The following DHX29 variants were observed in gnomAD, a reference collection of about 807,000 sequenced individuals.
DHX29 encodes DExH-box helicase 29.
Under a neutral mutation model 167.9 loss-of-function variants are expected in DHX29, and 79 were observed. That is an observed-to-expected ratio of 0.47 (90% CI 0.39 to 0.57). The LOEUF is 0.57. DHX29 is among the 20% of genes least tolerant of loss of function. The pLI is 0.00. For missense variants in DHX29, 1,347 were observed against 1,593.4 expected, an observed-to-expected ratio of 0.85 and a Z score of 2.63; for synonymous variants, 530 against 546.0, an observed-to-expected ratio of 0.97 and a Z score of 0.41.
intron 20 of DHX29, 121 bp from the exon 21 acceptor site, chr5:55,269,758 A>T: frequency 2.7e-6 from 2 of 728,910 alleles, no homozygotes; most frequent in Non-Finnish European, 2.3e-6. Context: ...TAAAATGTGA[A>T]AGTAGGGCTA....
intron 23 of DHX29, among the ~76,000 whole-genome samples, chr5:55,266,567 G>C (rs1488697029): frequency 7.3e-6 from 1 of 137,930 alleles, no homozygotes; most frequent in Non-Finnish European, 1.5e-5. Context: ...TTTTTTTAAT[G>C]AAAAACTGAG....
At position 55,298,650 on chromosome 5, in the gene DHX29, T is replaced by G. The variant is rs944916154; in HGVS notation, c.202A>C (p.Ser68Arg). ...CTAGAATCATTTGTAGAATTAAAAC[T>G]ATAAATTTTTGGACCTGTAAATACA... ...PRVKQGPKIY[S>R]FNSTNDSSGP... Residue 68 changes from serine to arginine, a missense_variant, in exon 2 of 27, where the codon AGT becomes CGT. Physicochemically the swap from Ser to Arg is moderately radical, Grantham distance 110 (BLOSUM62 -1). Around this residue, in one of 3 missense-constraint regions of DHX29, gnomAD observed 405 missense variants for 416.8 expected, o/e 0.97. Transcript: ENST00000251636. 3 of 1,522,240 alleles carry G rather than the reference T, an allele frequency of 2.0e-6. No individual in the cohort carries two copies. Among genetic ancestry groups the G allele is most frequent in the African/African-American group, 2.7e-5 (2 of 72,924 alleles). 94.3% of individuals were successfully genotyped at this position (1,522,240 alleles called of 1,614,324 possible).
At chr5:55,281,287 G>GA (rs1287818069) in intron 12 of DHX29, 85 bp downstream of exon 12, 27 of 1,170,160 alleles carry the variant, frequency 2.3e-5, no homozygotes, top group Non-Finnish European at 5.6e-6. Context: ...TAAGCATAAA[G>GA]AAAATGTTAT....
chr5:55,268,022 T>A (rs992208969), intron 21 of DHX29, among the ~76,000 whole-genome samples, 200 bp from the exon 22 acceptor site: 1 of 152,178 alleles, frequency 6.6e-6, no homozygotes, highest in African/African-American at 2.4e-5. Context: ...TATATTTTCA[T>A]TTTAAACAGT....
At chr5:55,288,116 G>A (rs1200299594) in intron 8 of DHX29, among the ~76,000 whole-genome samples, 1 of 151,766 alleles carries the variant, frequency 6.6e-6, no homozygotes, top group Admixed American at 6.6e-5. Flanking sequence ...GGGGGTGCAT[G>A]CCTGTAATCC....
intron 23 of DHX29, among the ~76,000 whole-genome samples, chr5:55,263,392 A>C (rs1051164132): frequency 6.6e-6 from 1 of 152,168 alleles, no homozygotes; most frequent in African/African-American, 2.4e-5. Flanking sequence ...TATTAATGGC[A>C]ACTTCATTTA....
At position 55,262,722 on chromosome 5, in the gene DHX29, T is replaced by C. The variant is rs1395155305; in HGVS notation, c.3736A>G (p.Ile1246Val). 6.2e-7 allele frequency: 1 copy of C among 1,614,128 alleles called. No individual in the cohort carries two copies. Among genetic ancestry groups the C allele is most frequent in the Admixed American group, 1.7e-5 (1 of 60,030 alleles). The part of the protein sequence containing the change: ...SVDVTEKLAC[I>V]VETAQGKAQV... The stretch of plus-strand genomic sequence containing the variant: ...GCTTTGCCTTGGGCCGTCTCCACAA[T>C]GCAAGCCAATTTTTCTGTAACATCC... Residue 1246 changes from isoleucine (I) to valine (V), a missense_variant, in exon 24 of 27, where the codon ATT (isoleucine) becomes GTT (valine). Transcript: ENST00000251636.
rs560047444 is a variant in DHX29 at position 55,292,355 on chromosome 5, G to A, written c.780+1662C>T. On this transcript the variant is annotated intron_variant, in intron 6 of 26. Transcript: ENST00000251636. ...AAATCTTCCTTAGCCTTTATATTCC[G>A]TAAATCACCAATTTCTACTGATTCT... 8.5e-5 allele frequency among the ~76,000 whole-genome samples: 13 copies of A among 152,062 alleles called. 1 individual carries two copies. Among genetic ancestry groups the A allele is most frequent in the Admixed American group, 4.6e-4 (7 of 15,272 alleles).
chr5:55,284,739 C>A (rs1270249829), intron 10 of DHX29, among the ~76,000 whole-genome samples: 5 of 152,170 alleles, frequency 3.3e-5, no homozygotes, highest in Admixed American at 6.5e-5. Flanking sequence ...GTTAATATAA[C>A]CTAAAATTGA....
rs535448467 is a variant in DHX29, at chr5:55,260,266, C to CT, written c.3961-323dup. Among the ~76,000 whole-genome samples the CT allele has an allele frequency of 1.3e-3, 198 of 151,764 alleles. 1 individual carries two copies. The highest frequency in any genetic ancestry group is 0.01 in the South Asian group (50 of 4,806). ...TTTTTTTTTGAGATGGAGTCTCTCT[C>CT]TGTTGCCCAGGCTGGAGTGCAGTGG... On this transcript the variant is annotated intron_variant, in intron 25 of 26. Transcript: ENST00000251636.
At chr5:55,286,125 G>C (rs1331145646) in intron 8 of DHX29, among the ~76,000 whole-genome samples, 1 of 151,898 alleles carries the variant, frequency 6.6e-6, no homozygotes, top group Non-Finnish European at 1.5e-5. Context: ...GTGGTGGCGG[G>C]CGCCTGTAGT....
intron 6 of DHX29, among the ~76,000 whole-genome samples, chr5:55,292,367 T>G (rs1337165621): frequency 6.6e-6 from 1 of 152,192 alleles, no homozygotes; most frequent in Non-Finnish European, 1.5e-5. Context: ...AAATCACCAA[T>G]TTCTACTGAT....
rs763001668 is a variant in DHX29, at chr5:55,307,595, C to G, written c.-22G>C. On this transcript the variant is annotated 5_prime_UTR_variant, in exon 1 of 27. Transcript: ENST00000251636. ...CCATGTTGCAGCTGTGGCAGAAGAT[C>G]CTTCGCGGCCCAGGCCCCGACGGTA... 1.9e-6 allele frequency: 3 copies of G among 1,611,680 alleles called. No homozygotes were observed. Among genetic ancestry groups the G allele is most frequent in the African/African-American group, 2.7e-5 (2 of 74,870 alleles).
At chr5:55,273,960 G>A (rs1432293407) in intron 16 of DHX29, among the ~76,000 whole-genome samples, 2 of 151,572 alleles carry the variant, frequency 1.3e-5, no homozygotes, top group African/African-American at 2.4e-5. Context: ...GGTGGCATGC[G>A]GCTGTAGTCC....
At chr5:55,259,233 C>CT (rs1224084053) in intron 26 of DHX29, among the ~76,000 whole-genome samples, 3 of 151,902 alleles carry the variant, frequency 2.0e-5, no homozygotes, top group East Asian at 1.9e-4. Flanking sequence ...TTTTATTAAC[C>CT]TTTTTTTCTA....
intron 1 of DHX29, among the ~76,000 whole-genome samples, chr5:55,305,418 T>G (rs959692830): frequency 6.6e-6 from 1 of 152,238 alleles, no homozygotes; most frequent in South Asian, 2.1e-4. Context: ...AGACTTGCTA[T>G]AGTTGAATAG....
chr5:55,268,911 A>G (rs1047801396), intron 21 of DHX29, among the ~76,000 whole-genome samples: 1 of 152,206 alleles, frequency 6.6e-6, no homozygotes, highest in African/African-American at 2.4e-5. Context: ...TAAATATTTC[A>G]AGTGGGTTGA....
rs775154622 is a variant in DHX29 at position 55,297,372 on chromosome 5, T to A, written c.288A>T (p.Gln96His). Residue 96 changes from glutamine to histidine, a missense_variant, in exon 3 of 27, where the codon CAA (glutamine) becomes CAT (histidine). By Grantham distance (24) the Gln-to-His change is conservative (BLOSUM62 0). Coordinates refer to ENST00000251636, the MANE Select transcript of DHX29 (RefSeq NM_019030.4). The part of the protein sequence containing the change: ...LKVVINNKLE[Q>H]RIIGVINEHK... ...GCTCATTGATCACTCCAATAATTCT[T>A]TGCTCTAGTTTGTTATTAATTACCA... 15 of 1,537,368 alleles carry A rather than the reference T, an allele frequency of 9.8e-6. No homozygotes were observed. The highest frequency in any genetic ancestry group is 1.7e-4 in the Middle Eastern group (1 of 5,958).
chr5:55,276,195 T>A lies in DHX29; in HGVS notation c.2427+71A>T, dbSNP rs932123947. ...AAATTCACTGTGTTAACCACATGAT[T>A]TTGAAACTCTTGTGGCAGGTTAGGC... is the stretch of plus-strand genomic sequence containing the variant. On this transcript the variant is annotated intron_variant, in intron 14 of 26. Coordinates refer to ENST00000251636, the MANE Select transcript of DHX29 (RefSeq NM_019030.4). 8.3e-6 allele frequency: 11 copies of A among 1,325,400 alleles called. No individual in the cohort carries two copies. The Admixed American group carries it at 2.8e-4, about 34-fold the overall frequency. 82.1% of individuals were successfully genotyped at this position (1,325,400 alleles called of 1,614,324 possible). A position where few individuals can be genotyped will look rare whatever the true frequency, so the allele number is the denominator to read the frequency against.
Sources: gnomAD v4.1 joint callset for allele counts (sites outside exome capture counted in the v4.1 genomes callset) on GRCh38, gnomAD v4.1.1 for gene constraint, gnomAD v4.1.1 regional missense constraint, MANE v1.5 for transcripts, NCBI Gene and HGNC (gene_info 2026-07-23, HGNC 2026-07-21) for gene names.